PPFIBP1: variants seen among roughly 807,000 people sequenced by gnomAD.
PPFIBP1 encodes the protein PPFIB scaffold protein 1, also known as liprin-beta-1.
A neutral mutation model predicts 137.8 loss-of-function variants in PPFIBP1; 112 were observed. That is an observed-to-expected ratio of 0.81 (90% confidence interval 0.70 to 0.95). The LOEUF (loss-of-function observed/expected upper bound fraction) is 0.95, where lower values mean the gene tolerates loss of function less well. Ranked by LOEUF, PPFIBP1 falls within the 40% of genes least tolerant of loss-of-function variation. PPFIBP1 has a pLI of 0.00. For synonymous variants in PPFIBP1, 378 were observed against 417.3 expected, an observed-to-expected ratio of 0.91 and a Z score of 1.15; for missense variants, 1,083 against 1,196.6, an observed-to-expected ratio of 0.91 and a Z score of 1.40.
At chr12:27,527,047 A>G (rs1943837887) in intron 1 of PPFIBP1, among the ~76,000 whole-genome samples, 1 of 152,192 alleles carries the variant, frequency 6.6e-6, no homozygotes, top group African/African-American at 2.4e-5. Flanking sequence ...GAGATAAATC[A>G]GAACAAGGTC....
chr12:27,529,424 T>C (rs576154090), intron 1 of PPFIBP1, among the ~76,000 whole-genome samples: 4 of 152,322 alleles, frequency 2.6e-5, no homozygotes, highest in African/African-American at 9.6e-5. Context: ...CTGGACGCGA[T>C]GGCTCATGCC....
rs183671472 is a variant in PPFIBP1 at position 27,589,685 on chromosome 12, G to A, written c.-36+11446G>A. 4.6e-5 allele frequency among the ~76,000 whole-genome samples: 7 copies of A among 152,302 alleles called. No individual in the cohort carries two copies. The East Asian group carries it at 1.3e-3, about 29-fold the overall frequency. On this transcript the variant is annotated intron_variant, in intron 2 of 29. Coordinates refer to ENST00000228425, the MANE Select transcript of PPFIBP1 (RefSeq NM_003622.4). Reference sequence around the variant, plus strand: ...ATGTCAGAAATCTTACTAAAGAACAGTGCATCTTATTCAGTGTAGACAGTC... The same window carrying A: ...ATGTCAGAAATCTTACTAAAGAACAATGCATCTTATTCAGTGTAGACAGTC...
intron 4 of PPFIBP1, chr12:27,636,654 G>A (rs1437137652): frequency 6.6e-6 from 1 of 152,160 alleles, no homozygotes; most frequent in Non-Finnish European, 1.5e-5. Context: ...ATGATAAAAA[G>A]TAATGATGGT....
chr12:27,605,769 G>A (rs2054466375), intron 2 of PPFIBP1, among the ~76,000 whole-genome samples: 1 of 152,006 alleles, frequency 6.6e-6, no homozygotes, highest in South Asian at 2.1e-4. Context: ...TCAACTATAT[G>A]TCTTAAAGAG....
chr12:27,542,808 G>C (rs1312184985), intron 1 of PPFIBP1, among the ~76,000 whole-genome samples: 1 of 152,132 alleles, frequency 6.6e-6, no homozygotes, highest in Non-Finnish European at 1.5e-5. Flanking sequence ...GCTTAGGATT[G>C]TGCTCGTAGG....
At chr12:27,542,742 A>G (rs898586378) in intron 1 of PPFIBP1, among the ~76,000 whole-genome samples, 10 of 152,198 alleles carry the variant, frequency 6.6e-5, no homozygotes, top group African/African-American at 2.2e-4. Context: ...TGTTGTGGAT[A>G]AGTCATCTGC....
intron 2 of PPFIBP1, among the ~76,000 whole-genome samples, chr12:27,625,855 A>G (rs1038627196): frequency 1.4e-4 from 21 of 152,178 alleles, no homozygotes; most frequent in Middle Eastern, 3.4e-3. Flanking sequence ...AAGTGCTGGG[A>G]TTACAGGGTG....
intron 2 of PPFIBP1, among the ~76,000 whole-genome samples, chr12:27,594,280 T>C (rs1157136387): frequency 1.3e-5 from 2 of 148,512 alleles, no homozygotes; most frequent in African/African-American, 5.0e-5. Context: ...TGGGTTCAAG[T>C]GATTCTTCTG....
chr12:27,575,067 A>AAAAATTT, intron 1 of PPFIBP1, among the ~76,000 whole-genome samples: 1 of 152,256 alleles, frequency 6.6e-6, no homozygotes, highest in East Asian at 1.9e-4. Flanking sequence ...AAGACAGTCT[A>AAAAATTT]CTGAAGTAGC....
At chr12:27,573,102 CTCA>C (rs1457495460) in intron 1 of PPFIBP1, among the ~76,000 whole-genome samples, 1 of 152,196 alleles carries the variant, frequency 6.6e-6, no homozygotes, top group Non-Finnish European at 1.5e-5. Context: ...GAATTTGCTT[CTCA>C]GCTAAGTTAG....
chr12:27,608,977 A>C (rs766684261), intron 2 of PPFIBP1: 11 of 175,682 alleles, frequency 6.3e-5, no homozygotes, highest in Admixed American at 1.3e-4. Flanking sequence ...TTAGCTGACC[A>C]CCTTGCAGAT....
At chr12:27,593,392 G>A (rs1036452857) in intron 2 of PPFIBP1, 8 of 454,390 alleles carry the variant, frequency 1.8e-5, no homozygotes, top group Admixed American at 1.4e-4. Flanking sequence ...AGGCATCTCT[G>A]TGCTCACCTC....
intron 10 of PPFIBP1, among the ~76,000 whole-genome samples, chr12:27,659,904 C>T (rs1379973688): frequency 6.6e-6 from 1 of 152,024 alleles, no homozygotes; most frequent in Admixed American, 6.6e-5. Context: ...GTGATTGTGC[C>T]ATGCACTCCA....
At chr12:27,566,394 A>G (rs2049675842) in intron 1 of PPFIBP1, among the ~76,000 whole-genome samples, 1 of 151,020 alleles carries the variant, frequency 6.6e-6, no homozygotes, top group African/African-American at 2.4e-5. Context: ...CAAAATATGG[A>G]AAGTATATTA....
intron 2 of PPFIBP1, among the ~76,000 whole-genome samples, chr12:27,619,987 C>T (rs143544930): frequency 1.7e-4 from 26 of 151,824 alleles, no homozygotes; most frequent in Admixed American, 5.3e-4. Context: ...TATATATACA[C>T]GCACATATTT....
intron 1 of PPFIBP1, among the ~76,000 whole-genome samples, chr12:27,527,917 T>C (rs533861956): frequency 6.6e-6 from 1 of 152,180 alleles, no homozygotes; most frequent in African/African-American, 2.4e-5. Flanking sequence ...GGTTACTGTC[T>C]CATTTTGATG....
intron 2 of PPFIBP1, among the ~76,000 whole-genome samples, chr12:27,612,497 C>T (rs2055244749): frequency 6.6e-6 from 1 of 151,840 alleles, no homozygotes; most frequent in Non-Finnish European, 1.5e-5. Context: ...CAGATGTGTG[C>T]CACCACACCC....
intron 2 of PPFIBP1, among the ~76,000 whole-genome samples, chr12:27,633,092 G>T (rs3751230): frequency 0.32 from 47,968 of 151,960 alleles, 8,195 homozygotes; most frequent in Middle Eastern, 0.39. Context: ...CTTTACAGAG[G>T]CCTAGAGTTC....
intron 2 of PPFIBP1, among the ~76,000 whole-genome samples, chr12:27,615,940 T>C (rs2055699370): frequency 6.6e-6 from 1 of 152,202 alleles, no homozygotes; most frequent in African/African-American, 2.4e-5. Context: ...AAAGTTTGCA[T>C]GAAAGTGGCA....
Sources: gnomAD v4.1 joint callset for allele counts (sites outside exome capture counted in the v4.1 genomes callset) on GRCh38, gnomAD v4.1.1 for gene constraint, MANE v1.5 for transcripts, NCBI Gene and HGNC (gene_info 2026-07-23, HGNC 2026-07-21) for gene names.